The following TNFRSF1B variants were observed in gnomAD, a reference collection of about 807,000 sequenced individuals.
TNFRSF1B encodes TNF receptor superfamily member 1B, also known as tumor necrosis factor receptor superfamily member 1B.
In TNFRSF1B, 19 loss-of-function variants were observed where a neutral mutation model predicts 44.6. That is an observed-to-expected ratio of 0.43 (90% CI 0.30 to 0.62). The LOEUF is 0.62. TNFRSF1B is among the 20% of genes least tolerant of loss of function. TNFRSF1B has a pLI of 0.16. For synonymous variants in TNFRSF1B, 252 were observed against 261.1 expected (o/e 0.97, Z 0.34); for missense variants, 541 against 619.9 (o/e 0.87, Z 1.35).
At position 12,192,626 on chromosome 1, in the gene TNFRSF1B, G is replaced by C. The variant is rs1639171375; in HGVS notation, c.551+102G>C. The C allele has an allele frequency of 8.9e-6, 11 of 1,231,750 alleles. No individual in the cohort carries two copies. In the Admixed American group the frequency reaches 1.9e-4, roughly 21 times the overall value. The allele number at this position is 1,231,750 out of a possible 1,614,324, so 76.3% of individuals were successfully genotyped here. A position where few individuals can be genotyped will look rare whatever the true frequency, so the allele number is the denominator to read the frequency against. Reference sequence around the variant, plus strand: ...GCAGCTCACCAACCACCATTGTCCAGACTGCTTTATCTGAGGGTGGCTCCC... The same window carrying C: ...GCAGCTCACCAACCACCATTGTCCACACTGCTTTATCTGAGGGTGGCTCCC... On this transcript the variant is annotated intron_variant, in intron 5 of 9. Transcript: ENST00000376259.
chr1:12,173,911 G>A (rs2101078249), intron 1 of TNFRSF1B, among the ~76,000 whole-genome samples: 1 of 152,268 alleles, frequency 6.6e-6, no homozygotes, highest in Admixed American at 6.5e-5. Context: ...GAGGTACTTG[G>A]CTGTGAGCCC....
intron 1 of TNFRSF1B, among the ~76,000 whole-genome samples, chr1:12,174,227 C>T (rs1367145187): frequency 1.4e-5 from 2 of 143,744 alleles, no homozygotes; most frequent in African/African-American, 5.5e-5. Context: ...TCTCCTTCTC[C>T]TTCTCCTTCT....
intron 8 of TNFRSF1B, among the ~76,000 whole-genome samples, chr1:12,200,751 T>G (rs1413698999): frequency 6.6e-6 from 1 of 152,024 alleles, no homozygotes; most frequent in African/African-American, 2.4e-5. Context: ...GCCTCCTGAG[T>G]AGCTGGGATT....
intron 1 of TNFRSF1B, among the ~76,000 whole-genome samples, chr1:12,173,980 C>A (rs1638576466): frequency 6.6e-6 from 1 of 151,988 alleles, no homozygotes; most frequent in Non-Finnish European, 1.5e-5. Flanking sequence ...GACTTCTGCC[C>A]CAAGCGTGAG....
chr1:12,206,780 C>T lies in TNFRSF1B; in HGVS notation c.1146C>T (p.Thr382=), dbSNP rs549171418. 48 of 1,611,222 alleles carry T rather than the reference C, an allele frequency of 3.0e-5. No individual in the cohort carries two copies. The South Asian group carries it at 4.2e-4, about 14-fold the overall frequency. ...GCCATGGGACCCAGGTCAATGTCAC[C>T]TGCATCGTGAACGTCTGTAGCAGCT... is the stretch of plus-strand genomic sequence containing the variant. ...PGGHGTQVNV[T]CIVNVCSSSD... is the part of the protein sequence containing the mutation. Residue 382 remains threonine, a synonymous_variant, in exon 10 of 10, where the codon ACC becomes ACT. Coordinates refer to ENST00000376259, the MANE Select transcript of TNFRSF1B (RefSeq NM_001066.3).
At position 12,168,688 on chromosome 1, in the gene TNFRSF1B, C is replaced by T. The variant is rs1638451312; in HGVS notation, c.78+1519C>T. ...AGCTGGAGGAGGTTCCCTCCCACTTCCTTCCCTTCCTGACCAGCTCCTGCG... is the reference window on the plus strand; with the variant it reads ...AGCTGGAGGAGGTTCCCTCCCACTTTCTTCCCTTCCTGACCAGCTCCTGCG... On this transcript the variant is annotated intron_variant, in intron 1 of 9. Coordinates refer to ENST00000376259, the MANE Select transcript of TNFRSF1B (RefSeq NM_001066.3). This position sits in a 1 kb window ranked among gnomAD's most constrained non-coding sequence, Gnocchi z 4.7. Among the ~76,000 whole-genome samples the T allele has an allele frequency of 6.6e-6, 1 of 152,138 alleles. No homozygotes were observed. Among genetic ancestry groups the T allele is most frequent in the African/African-American group, 2.4e-5 (1 of 41,414 alleles).
At chr1:12,185,951 C>T (rs532337980) in intron 1 of TNFRSF1B, among the ~76,000 whole-genome samples, 39 of 152,298 alleles carry the variant, frequency 2.6e-4, no homozygotes, top group African/African-American at 8.9e-4. Flanking sequence ...GTGACTCCTT[C>T]AGGGTGGGGT....
intron 1 of TNFRSF1B, among the ~76,000 whole-genome samples, chr1:12,175,168 G>A (rs1363158847): frequency 6.6e-6 from 1 of 152,202 alleles, no homozygotes; most frequent in African/African-American, 2.4e-5. Flanking sequence ...GGTCTTTCAG[G>A]AGCAAGGCCA....
chr1:12,174,368 C>T (rs1374228271), intron 1 of TNFRSF1B, among the ~76,000 whole-genome samples: 1 of 152,094 alleles, frequency 6.6e-6, no homozygotes, highest in Non-Finnish European at 1.5e-5. Context: ...CAGCCTCAAC[C>T]TTCCAAGTAA....
chr1:12,190,120 G>A (rs1639079437), intron 2 of TNFRSF1B, among the ~76,000 whole-genome samples: 1 of 152,158 alleles, frequency 6.6e-6, no homozygotes, highest in African/African-American at 2.4e-5. Flanking sequence ...GGGCATATGA[G>A]TACCTGTCAC....
At chr1:12,205,112 G>A (rs945218468) in intron 9 of TNFRSF1B, among the ~76,000 whole-genome samples, 1 of 152,206 alleles carries the variant, frequency 6.6e-6, no homozygotes, top group African/African-American at 2.4e-5. Context: ...CACAGAAATG[G>A]GGAGGGACCC....
rs551222695 is a variant in TNFRSF1B at position 12,173,057 on chromosome 1, T to A, written c.78+5888T>A. Among the ~76,000 whole-genome samples the A allele has an allele frequency of 3.9e-5, 6 of 152,328 alleles. No homozygotes were observed. The East Asian group carries it at 9.6e-4, about 24-fold the overall frequency. ...CATTTTCCTGCCTCCAAGTGACTTC[T>A]AAGACAGCATGGCTCTGAGGAAGGA... is the stretch of plus-strand genomic sequence containing the variant. On this transcript the variant is annotated intron_variant, in intron 1 of 9. Coordinates refer to ENST00000376259, the MANE Select transcript of TNFRSF1B (RefSeq NM_001066.3).
At position 12,208,291 on chromosome 1, in the gene TNFRSF1B, C is replaced by G. The variant is rs994361639; in HGVS notation, c.*1271C>G. ...GCCATCTCTCTACTCCTACCTCAGC[C>G]TAGACCCTCCTCCTCCCCCAGAGGG... On this transcript the variant is annotated 3_prime_UTR_variant, in exon 10 of 10. Coordinates refer to ENST00000376259, the MANE Select transcript of TNFRSF1B (RefSeq NM_001066.3). 6.5e-6 allele frequency: 1 copy of G among 152,814 alleles called. No individual in the cohort carries two copies. The highest frequency in any genetic ancestry group is 2.4e-5 in the African/African-American group (1 of 41,460). 9.5% of individuals were successfully genotyped at this position (152,814 alleles called of 1,614,324 possible).
At chr1:12,188,368 T>A (rs500734) in intron 1 of TNFRSF1B, among the ~76,000 whole-genome samples, 33,329 of 151,846 alleles carry the variant, frequency 0.22, 3,779 homozygotes, top group South Asian at 0.25. Flanking sequence ...TTCCCAGAGG[T>A]GGCAGCACTC....
In TNFRSF1B at chr1:12,199,984, G is replaced by A. The variant is rs1639351756; in HGVS notation, c.901-1983G>A. Among the ~76,000 whole-genome samples the A allele has an allele frequency of 6.6e-6, 1 of 152,024 alleles. No individual in the cohort carries two copies. Among genetic ancestry groups the A allele is most frequent in the Non-Finnish European group, 1.5e-5 (1 of 67,920 alleles). On this transcript the variant is annotated intron_variant, in intron 8 of 9. Coordinates refer to ENST00000376259, the MANE Select transcript of TNFRSF1B (RefSeq NM_001066.3). The surrounding 1 kb of genome is among the most constrained non-coding windows in gnomAD (Gnocchi z 4.0). ...TGGGAACAGACAACAGCCTGGGAGA[G>A]GAATTTCCAGCCTCTCTTCAGTGTG...
At chr1:12,201,733 T>C (rs17885670) in intron 8 of TNFRSF1B, among the ~76,000 whole-genome samples, 4,063 of 150,990 alleles carry the variant, frequency 0.027, 55 homozygotes, top group Non-Finnish European at 0.035. Flanking sequence ...TCTGCCCTCA[T>C]AGGACACTCT....
In TNFRSF1B at chr1:12,188,826, G is replaced by A. The variant is rs757274903; in HGVS notation, c.109G>A (p.Gly37Arg). ...ATTTACACCCTACGCCCCGGAGCCC[G>A]GGAGCACATGCCGGCTCAGAGAATA... ...VAFTPYAPEPGSTCRLREYYD... is the reference protein window; with the variant it reads ...VAFTPYAPEPRSTCRLREYYD... Residue 37 changes from glycine to arginine, a missense_variant, in exon 2 of 10, where the codon GGG becomes AGG. By Grantham distance (125) the Gly-to-Arg change is moderately radical. Coordinates refer to ENST00000376259, the MANE Select transcript of TNFRSF1B (RefSeq NM_001066.3). The A allele has an allele frequency of 8.7e-6, 14 of 1,613,688 alleles. No homozygotes were observed. The highest frequency in any genetic ancestry group is 3.3e-5 in the South Asian group (3 of 91,018).
intron 1 of TNFRSF1B, among the ~76,000 whole-genome samples, chr1:12,175,125 T>C (rs1262422678): frequency 6.6e-6 from 1 of 152,088 alleles, no homozygotes; most frequent in Non-Finnish European, 1.5e-5. Flanking sequence ...GGGGAGGACA[T>C]CTTCCGAGCT....
At position 12,194,046 on chromosome 1, in the gene TNFRSF1B, C is replaced by T; in HGVS notation, c.865+14C>T. 1 of 1,608,924 alleles carries T rather than the reference C, an allele frequency of 6.2e-7. No homozygotes were observed. Among genetic ancestry groups the T allele is most frequent in the Non-Finnish European group, 8.5e-7 (1 of 1,175,382 alleles). On this transcript the variant is annotated intron_variant, in intron 7 of 9. Transcript: ENST00000376259. ...CCCAGGTGAAAAGTAAGAGTCCATC[C>T]TTCCTTCCTTCATCCACTTGTTCAG...
Sources: gnomAD v4.1 joint callset for allele counts (sites outside exome capture counted in the v4.1 genomes callset) on GRCh38, gnomAD v4.1.1 for gene constraint, Gnocchi (gnomAD v3.1) non-coding constraint, MANE v1.5 for transcripts, NCBI Gene and HGNC (gene_info 2026-07-23, HGNC 2026-07-21) for gene names.